The following C7orf78 variants were observed in gnomAD, a reference collection of about 807,000 sequenced individuals.
C7orf78 encodes putative uncharacterized protein C7orf78.
chr7:12,523,130 G>C, the C7orf78 span: 3 of 398,280 alleles, frequency 7.5e-6, no homozygotes, highest in Non-Finnish European at 1.3e-5. Context: ...TAAAATGAAA[G>C]TTAATGTATG....
At chr7:12,521,883 C>G in the C7orf78 span, among the ~76,000 whole-genome samples, 2 of 151,826 alleles carry the variant, frequency 1.3e-5, no homozygotes, top group Non-Finnish European at 2.9e-5. Context: ...TTTTCACTGT[C>G]TCCTCACAGA....
At chr7:12,505,238 A>G in the C7orf78 span, among the ~76,000 whole-genome samples, 3 of 152,122 alleles carry the variant, frequency 2.0e-5, no homozygotes, top group Non-Finnish European at 4.4e-5. Context: ...AAACATAATT[A>G]TTATGATTGA....
the C7orf78 span, among the ~76,000 whole-genome samples, chr7:12,517,049 C>T: frequency 6.6e-6 from 1 of 151,802 alleles, no homozygotes; most frequent in Non-Finnish European, 1.5e-5. Flanking sequence ...TTTGGAGGGG[C>T]CAGGGGTGGA....
At chr7:12,521,494 T>C in the C7orf78 span, among the ~76,000 whole-genome samples, 1 of 152,052 alleles carries the variant, frequency 6.6e-6, no homozygotes, top group African/African-American at 2.4e-5. Flanking sequence ...CTTATTTTGG[T>C]TAATAAACTG....
At chr7:12,491,098 G>A in the C7orf78 span, 1 of 151,998 alleles carries the variant, frequency 6.6e-6, no homozygotes, top group Non-Finnish European at 1.5e-5. Flanking sequence ...AGAAAACATG[G>A]CCTTGTCTTT....
chr7:12,540,636 T>C, the C7orf78 span, among the ~76,000 whole-genome samples: 1 of 152,226 alleles, frequency 6.6e-6, no homozygotes, highest in Non-Finnish European at 1.5e-5. Context: ...TGCATGTGCA[T>C]GCTTTCTGGT....
At chr7:12,516,786 G>A in the C7orf78 span, among the ~76,000 whole-genome samples, 2 of 152,110 alleles carry the variant, frequency 1.3e-5, no homozygotes, top group Admixed American at 1.3e-4. Flanking sequence ...GACTTGCATG[G>A]GCCCTGTAAC....
the C7orf78 span, among the ~76,000 whole-genome samples, chr7:12,502,835 A>G: frequency 3.0e-5 from 4 of 132,342 alleles, no homozygotes; most frequent in African/African-American, 9.4e-5. Context: ...AACCAACCCA[A>G]ATGTCCAAGA....
chr7:12,512,893 A>G, the C7orf78 span, among the ~76,000 whole-genome samples: 1 of 151,982 alleles, frequency 6.6e-6, no homozygotes, highest in Non-Finnish European at 1.5e-5. Context: ...TCCTGATTTA[A>G]TTTTAGTCGG....
At chr7:12,533,368 T>C in the C7orf78 span, among the ~76,000 whole-genome samples, 16 of 151,560 alleles carry the variant, frequency 1.1e-4, no homozygotes, top group African/African-American at 3.9e-4. Context: ...ACCCACCTAA[T>C]TTTTGTATTT....
the C7orf78 span, among the ~76,000 whole-genome samples, chr7:12,519,967 A>G: frequency 3.3e-5 from 5 of 152,264 alleles, no homozygotes; most frequent in East Asian, 3.9e-4. Flanking sequence ...TGCATTTTCT[A>G]TCTGGTACAA....
chr7:12,500,813 T>C, the C7orf78 span, among the ~76,000 whole-genome samples: 451 of 147,530 alleles, frequency 3.1e-3, 5 homozygotes, highest in African/African-American at 0.011. Flanking sequence ...TTGATGAACA[T>C]TGATGCAAAA....
At chr7:12,504,910 T>C in the C7orf78 span, among the ~76,000 whole-genome samples, 1 of 152,086 alleles carries the variant, frequency 6.6e-6, no homozygotes, top group African/African-American at 2.4e-5. Flanking sequence ...TGTATCTGTA[T>C]CTATTTTTTT....
the C7orf78 span, among the ~76,000 whole-genome samples, chr7:12,514,435 C>A: frequency 6.6e-6 from 1 of 151,804 alleles, no homozygotes; most frequent in African/African-American, 2.4e-5. Context: ...TATGTCTTTA[C>A]AGATAAGTTG....
At chr7:12,522,597 A>G in the C7orf78 span, among the ~76,000 whole-genome samples, 1 of 152,118 alleles carries the variant, frequency 6.6e-6, no homozygotes, top group Non-Finnish European at 1.5e-5. Context: ...TTTTGACATC[A>G]TGTCTATTTT....
the C7orf78 span, among the ~76,000 whole-genome samples, chr7:12,498,024 C>T: frequency 1.3e-5 from 2 of 151,642 alleles, no homozygotes; most frequent in African/African-American, 4.8e-5. Flanking sequence ...GCTGAGGGTC[C>T]TGTCTGTTAG....
At chr7:12,528,943 A>G in the C7orf78 span, 7 of 398,480 alleles carry the variant, frequency 1.8e-5, no homozygotes, top group South Asian at 6.4e-4. Context: ...ACAGAAGACT[A>G]GTACAGAAAG....
the C7orf78 span, among the ~76,000 whole-genome samples, chr7:12,510,198 C>G: frequency 8.6e-5 from 13 of 151,466 alleles, no homozygotes; most frequent in Non-Finnish European, 2.9e-5. Flanking sequence ...TTTCTTGAGA[C>G]AGGATCCTAC....
the C7orf78 span, among the ~76,000 whole-genome samples, chr7:12,499,739 A>G: frequency 6.6e-6 from 1 of 151,482 alleles, no homozygotes; most frequent in Non-Finnish European, 1.5e-5. Context: ...CCTAATAGAC[A>G]TCTACAGAAC....
Sources: gnomAD v4.1 joint callset for allele counts (sites outside exome capture counted in the v4.1 genomes callset) on GRCh38, gnomAD v4.1.1 for gene constraint, MANE v1.5 for transcripts, NCBI Gene and HGNC (gene_info 2026-07-23, HGNC 2026-07-21) for gene names.